NHSL1: variants seen among roughly 807,000 people sequenced by gnomAD.
NHSL1 encodes NHS like 1, also known as NHS-like protein 1.
NHSL1 carries 48 observed loss-of-function variants against 95.0 expected under a neutral mutation model. The observed-to-expected ratio is 0.51, with a 90% CI of 0.40 to 0.64. The LOEUF is 0.64. NHSL1 is among the 30% of genes least tolerant of loss of function. The pLI, the probability that NHSL1 is intolerant of heterozygous loss-of-function variation, is 0.00. For synonymous variants in NHSL1, 783 were observed against 833.9 expected (o/e 0.94, Z 1.05); for missense variants, 1,971 against 2,077.7 (o/e 0.95, Z 1.00).
At chr6:138,522,952 G>A (rs557937781) in intron 1 of NHSL1, among the ~76,000 whole-genome samples, 11 of 152,260 alleles carry the variant, frequency 7.2e-5, no homozygotes, top group Admixed American at 2.0e-4. Flanking sequence ...ATCTTCAGGC[G>A]GAAAGGCTAG....
At chr6:138,535,980 G>A (rs543671020) in intron 1 of NHSL1, among the ~76,000 whole-genome samples, 19 of 152,266 alleles carry the variant, frequency 1.2e-4, no homozygotes, top group East Asian at 5.8e-4. Flanking sequence ...GGGGGCCAAC[G>A]TCAAGCAAGA....
intron 3 of NHSL1, among the ~76,000 whole-genome samples, chr6:138,469,274 C>A (rs911746632): frequency 6.6e-6 from 1 of 152,174 alleles, no homozygotes. Flanking sequence ...ACAAATGAAA[C>A]CCTCACTTCA....
At chr6:138,574,826 T>C (rs1321715821), upstream of NHSL1, among the ~76,000 whole-genome samples, 1 of 151,950 alleles carries the variant, frequency 6.6e-6, no homozygotes, top group Non-Finnish European at 1.5e-5. Context: ...CACTCCAGCC[T>C]GGGCAATAGA....
At chr6:138,533,616 T>C (rs985324166) in intron 1 of NHSL1, among the ~76,000 whole-genome samples, 1 of 152,230 alleles carries the variant, frequency 6.6e-6, no homozygotes, top group African/African-American at 2.4e-5. Flanking sequence ...AATAATCTCA[T>C]ATTTCTGAAA....
At chr6:138,561,303 G>A (rs1451784368) in intron 1 of NHSL1, among the ~76,000 whole-genome samples, 2 of 152,196 alleles carry the variant, frequency 1.3e-5, no homozygotes, top group Non-Finnish European at 2.9e-5. Context: ...TTAGCTAAGC[G>A]GTGGCGGGTG....
chr6:138,666,484 A>G (rs1181672650), intron 1 of NHSL1, among the ~76,000 whole-genome samples: 1 of 150,460 alleles, frequency 6.6e-6, no homozygotes, highest in African/African-American at 2.4e-5. Flanking sequence ...CCCAGCTACT[A>G]GGGAGGCTGG....
intron 1 of NHSL1, among the ~76,000 whole-genome samples, chr6:138,677,816 C>T (rs571035718): frequency 1.0e-3 from 157 of 152,306 alleles, no homozygotes; most frequent in Middle Eastern, 6.8e-3. Flanking sequence ...GGGCCCACCC[C>T]CAGTGATTCT....
chr6:138,506,005 T>C (rs748204109), intron 1 of NHSL1, among the ~76,000 whole-genome samples: 5 of 152,232 alleles, frequency 3.3e-5, no homozygotes, highest in Non-Finnish European at 7.3e-5. Flanking sequence ...TTTTTAAATC[T>C]ATAGACACAC....
At chr6:138,646,493 T>C (rs905458456) in intron 1 of NHSL1, among the ~76,000 whole-genome samples, 1 of 151,034 alleles carries the variant, frequency 6.6e-6, no homozygotes, top group African/African-American at 2.4e-5. Flanking sequence ...CAAGACACTG[T>C]CTCGAGGAAA....
rs1010452728 is a variant in NHSL1 at position 138,650,978 on chromosome 6, G to C, written c.96+41498C>G. 4.7e-5 allele frequency: 24 copies of C among 512,618 alleles called. 1 individual carries two copies. Among genetic ancestry groups the C allele is most frequent in the African/African-American group, 2.3e-4 (12 of 51,426 alleles). The allele number at this position is 512,618 out of a possible 1,614,324, so 31.8% of individuals were successfully genotyped here. On this transcript the variant is annotated intron_variant, in intron 1 of 3. Transcript: ENST00000491526. ...GAGGACCTTCCTCCCCAGCACATAA[G>C]GCTTTGTGTTTGGGTCTTCCTTAAT... is the stretch of plus-strand genomic sequence containing the variant.
intron 1 of NHSL1, among the ~76,000 whole-genome samples, chr6:138,670,773 A>G (rs1785357964): frequency 3.3e-5 from 5 of 152,226 alleles, no homozygotes; most frequent in Admixed American, 3.3e-4. Context: ...ACCCAGAACA[A>G]GAACAACAAA....
chr6:138,422,766 C>A lies in NHSL1; in HGVS notation c.*1315G>T, dbSNP rs1234430309. Reference sequence around the variant, plus strand: ...AATTAGCAACTCAATTATTTATAAACAAATATAAAAATGCACAAACCAAAT... The same window carrying A: ...AATTAGCAACTCAATTATTTATAAAAAAATATAAAAATGCACAAACCAAAT... On this transcript the variant is annotated 3_prime_UTR_variant, in exon 8 of 8. Coordinates refer to ENST00000343505, the MANE Select transcript of NHSL1 (RefSeq NM_001144060.2). 9 of 152,172 alleles carry A rather than the reference C, an allele frequency of 5.9e-5. No homozygotes were observed. Among genetic ancestry groups the A allele is most frequent in the African/African-American group, 2.2e-4 (9 of 41,508 alleles). The allele number at this position is 152,172 out of a possible 1,614,324, so 9.4% of individuals were successfully genotyped here.
chr6:138,602,394 T>A (rs978897741), intron 1 of NHSL1, among the ~76,000 whole-genome samples: 26 of 152,162 alleles, frequency 1.7e-4, no homozygotes, highest in Non-Finnish European at 1.0e-4. Context: ...CAGGCTGGAG[T>A]GTAGTGGTAC....
intron 1 of NHSL1, among the ~76,000 whole-genome samples, chr6:138,653,902 C>T (rs940030676): frequency 2.0e-4 from 31 of 152,178 alleles, no homozygotes; most frequent in African/African-American, 7.2e-4. Context: ...GTTTACATTG[C>T]TCATTGTCCC....
At chr6:138,508,684 A>G (rs1249229476) in intron 1 of NHSL1, among the ~76,000 whole-genome samples, 1 of 152,130 alleles carries the variant, frequency 6.6e-6, no homozygotes, top group Non-Finnish European at 1.5e-5. Flanking sequence ...CGGATGCTTG[A>G]TCCTCCGCTT....
chr6:138,499,872 C>T (rs1780580530), upstream of NHSL1, among the ~76,000 whole-genome samples: 1 of 152,168 alleles, frequency 6.6e-6, no homozygotes, highest in Non-Finnish European at 1.5e-5. Context: ...CCCAACCACG[C>T]CCCAGGCTCT....
chr6:138,549,838 C>G (rs946617031), upstream of NHSL1, among the ~76,000 whole-genome samples: 1 of 152,092 alleles, frequency 6.6e-6, no homozygotes, highest in Non-Finnish European at 1.5e-5. Context: ...TATTAAATTG[C>G]TGAAATTATA....
intron 1 of NHSL1, among the ~76,000 whole-genome samples, chr6:138,606,418 A>G (rs1178882113): frequency 1.3e-5 from 2 of 152,258 alleles, no homozygotes; most frequent in Admixed American, 1.3e-4. Flanking sequence ...TGATTTAGTA[A>G]GCTTACAGAA....
At chr6:138,616,731 C>T (rs1337846171) in intron 1 of NHSL1, among the ~76,000 whole-genome samples, 1 of 152,154 alleles carries the variant, frequency 6.6e-6, no homozygotes, top group Non-Finnish European at 1.5e-5. Context: ...CTTGCTAGAT[C>T]TTTAGAATTT....
Sources: allele counts gnomAD v4.1 joint callset (sites outside exome capture counted in the v4.1 genomes callset), GRCh38; gene constraint gnomAD v4.1.1; transcripts MANE v1.5; gene names NCBI Gene and HGNC (gene_info 2026-07-23, HGNC 2026-07-21).